ZNF600: variants seen among roughly 807,000 people sequenced by gnomAD.
ZNF600 encodes the protein zinc finger protein 600, also known as zinc finger protein KR-ZNF1.
ZNF600 carries 4 observed loss-of-function variants against 7.3 expected under a neutral mutation model. The ratio of observed to expected loss-of-function variants is 0.55; its 90% CI spans 0.27 to 1.25. ZNF600 has a LOEUF of 1.25. Ranked by LOEUF, ZNF600 falls within the 50% of genes most tolerant of loss-of-function variation. The probability of loss-of-function intolerance (pLI) is 0.12; values close to 1 mark genes in which losing one functional copy is unlikely to be tolerated. For missense variants in ZNF600, 911 were observed against 922.1 expected, an observed-to-expected ratio of 0.99 and a Z score of 0.16; for synonymous variants, 290 against 308.9, an observed-to-expected ratio of 0.94 and a Z score of 0.64.
intron 2 of ZNF600, among the ~76,000 whole-genome samples, chr19:52,776,863 G>A (rs1465916580): frequency 6.6e-6 from 1 of 152,006 alleles, no homozygotes; most frequent in Non-Finnish European, 1.5e-5. Flanking sequence ...CCACGTGGTG[G>A]CCCACCTCTA....
At chr19:52,827,639 G>A in the ZNF600 span, among the ~76,000 whole-genome samples, 2 of 151,642 alleles carry the variant, frequency 1.3e-5, no homozygotes, top group African/African-American at 4.8e-5. Context: ...CCGCCTCCCA[G>A]GTTCATGCCA....
At chr19:52,764,700 G>A (rs1568621560) in exon 4 of ZNF600, 1 of 152,382 alleles carries the variant, frequency 6.6e-6, no homozygotes, top group Non-Finnish European at 1.5e-5. Context: ...TATATTTTTA[G>A]TAGAGATGGG....
the ZNF600 span, among the ~76,000 whole-genome samples, chr19:52,796,043 C>T: frequency 6.6e-6 from 1 of 152,100 alleles, no homozygotes; most frequent in Non-Finnish European, 1.5e-5. Context: ...GGTGCAATGG[C>T]GCATGGCTGT....
intron 1 of ZNF600, among the ~76,000 whole-genome samples, chr19:52,782,141 T>C (rs948337359): frequency 2.6e-5 from 4 of 151,810 alleles, no homozygotes; most frequent in African/African-American, 9.7e-5. Flanking sequence ...GGTGGGAAAA[T>C]CACTTGAGCC....
exon 3 of ZNF600, chr19:52,774,687 G>A (rs1296998069): frequency 1.0e-6 from 1 of 985,350 alleles, no homozygotes; most frequent in East Asian, 1.1e-4. Context: ...CCACATCCCT[G>A]AAAGTCAAGC....
At chr19:52,822,441 G>A in the ZNF600 span, among the ~76,000 whole-genome samples, 11 of 152,004 alleles carry the variant, frequency 7.2e-5, no homozygotes, top group East Asian at 1.9e-4. Context: ...AATCTTCCCC[G>A]AAATGAGAAA....
At chr19:52,796,487 G>A in the ZNF600 span, among the ~76,000 whole-genome samples, 2 of 151,590 alleles carry the variant, frequency 1.3e-5, no homozygotes, top group Non-Finnish European at 3.0e-5. Flanking sequence ...GAGAGCGGGA[G>A]GAGGAATAGT....
At chr19:52,778,477 T>C (rs984010038) in intron 2 of ZNF600, among the ~76,000 whole-genome samples, 6 of 152,314 alleles carry the variant, frequency 3.9e-5, no homozygotes, top group African/African-American at 1.2e-4. Context: ...ATTTCATATG[T>C]AGTTTCTCTG....
chr19:52,810,290 G>C, the ZNF600 span: 2 of 1,505,678 alleles, frequency 1.3e-6, no homozygotes, highest in South Asian at 1.1e-5. Flanking sequence ...TTGAGGAGAA[G>C]ATGGAGGCTG....
chr19:52,803,858 C>A, the ZNF600 span, among the ~76,000 whole-genome samples: 9 of 152,194 alleles, frequency 5.9e-5, no homozygotes, highest in East Asian at 1.7e-3. Context: ...ACTTGGTAGT[C>A]TGAGGCAGAA....
chr19:52,800,014 C>G, the ZNF600 span: 8 of 1,614,200 alleles, frequency 5.0e-6, no homozygotes, highest in Non-Finnish European at 5.1e-6. Flanking sequence ...TTGCCACACT[C>G]ATTACACTTG....
exon 1 of ZNF600, chr19:52,786,721 C>G (rs1386491031): frequency 5.4e-6 from 2 of 368,502 alleles, no homozygotes; most frequent in Admixed American, 5.2e-5. Flanking sequence ...CAAGGCAGAG[C>G]AAAACTCACG....
chr19:52,783,513 C>T (rs1054993766), intron 1 of ZNF600, among the ~76,000 whole-genome samples: 8 of 152,204 alleles, frequency 5.3e-5, no homozygotes, highest in African/African-American at 1.9e-4. Context: ...AGGCGCCCGC[C>T]ACCACGCCCG....
the ZNF600 span, chr19:52,800,138 A>G: frequency 1.2e-6 from 2 of 1,613,950 alleles, no homozygotes; most frequent in South Asian, 1.1e-5. Context: ...GAATCCTCCT[A>G]TGTCTTTCCA....
chr19:52,767,131 A>G (rs1820128), exon 4 of ZNF600: 1,370,287 of 1,614,012 alleles, frequency 0.85, 584,860 homozygotes, highest in African/African-American at 0.97. Context: ...TGACATCTAC[A>G]ATGGCATGTA....
At chr19:52,819,676 G>T in the ZNF600 span, among the ~76,000 whole-genome samples, 4 of 140,156 alleles carry the variant, frequency 2.9e-5, no homozygotes, top group Admixed American at 2.9e-4. Flanking sequence ...CTTACATGGG[G>T]GCCTGGAAGG....
the ZNF600 span, chr19:52,809,961 G>T: frequency 1.2e-4 from 93 of 802,268 alleles, no homozygotes; most frequent in Non-Finnish European, 1.3e-4. Context: ...CGCAGGGGAC[G>T]ATGGGAACGG....
the ZNF600 span, among the ~76,000 whole-genome samples, chr19:52,816,221 C>T: frequency 0.19 from 9,460 of 48,774 alleles, 1,412 homozygotes; most frequent in African/African-American, 0.24. Flanking sequence ...CATTTATATT[C>T]AATAATAATT....
At chr19:52,799,372 G>A in the ZNF600 span, 3 of 579,468 alleles carry the variant, frequency 5.2e-6, no homozygotes, top group Middle Eastern at 3.4e-4. Context: ...TCTTCAGCAT[G>A]CATTTTCTTA....
Sources: allele counts gnomAD v4.1 joint callset (sites outside exome capture counted in the v4.1 genomes callset), GRCh38; gene constraint gnomAD v4.1.1; transcripts MANE v1.5; gene names NCBI Gene and HGNC (gene_info 2026-07-23, HGNC 2026-07-21).